Variants in EPB41L5 observed in about 807,000 individuals in gnomAD.
EPB41L5 encodes erythrocyte membrane protein band 4.1 like 5.
A neutral mutation model predicts 106.6 loss-of-function variants in EPB41L5; 55 were observed. The ratio of observed to expected loss-of-function variants is 0.52; its 90% CI spans 0.42 to 0.65. The LOEUF (loss-of-function observed/expected upper bound fraction) is 0.65. EPB41L5 is among the 30% of genes least tolerant of loss of function. EPB41L5 has a pLI of 0.00. For missense variants in EPB41L5, 871 were observed against 882.1 expected (o/e 0.99, Z 0.16); for synonymous variants, 297 against 306.7 (o/e 0.97, Z 0.33).
intron 14 of EPB41L5, among the ~76,000 whole-genome samples, chr2:120,095,373 A>C (rs1683677552): frequency 6.6e-6 from 1 of 151,852 alleles, no homozygotes; most frequent in African/African-American, 2.4e-5. Context: ...GGAAGTTTTT[A>C]CCCATTATTT....
chr2:120,040,244 A>T (rs1235338076), intron 2 of EPB41L5, among the ~76,000 whole-genome samples: 2 of 152,208 alleles, frequency 1.3e-5, no homozygotes, highest in East Asian at 3.8e-4. Context: ...AGGTCCATAT[A>T]GAATACAATA....
intron 20 of EPB41L5, among the ~76,000 whole-genome samples, chr2:120,160,350 T>C (rs1278343146): frequency 1.3e-5 from 2 of 152,246 alleles, no homozygotes; most frequent in African/African-American, 2.4e-5. Flanking sequence ...TTTTAAAATA[T>C]TGATGCACTA....
chr2:120,082,940 C>T (rs947329455), intron 10 of EPB41L5, among the ~76,000 whole-genome samples: 1 of 152,062 alleles, frequency 6.6e-6, no homozygotes, highest in Non-Finnish European at 1.5e-5. Context: ...TCTGTGGGAT[C>T]GGTGGTAATA....
intron 16 of EPB41L5, chr2:120,104,223 G>A (rs913159467): frequency 1.3e-6 from 2 of 1,535,678 alleles, no homozygotes; most frequent in East Asian, 2.4e-5. Flanking sequence ...TGGCCATACA[G>A]CCATGACTGA....
chr2:120,031,448 A>T (rs1678703596), intron 2 of EPB41L5, among the ~76,000 whole-genome samples: 2 of 152,330 alleles, frequency 1.3e-5, no homozygotes, highest in African/African-American at 2.4e-5. Context: ...TTAGGTGGGG[A>T]TAAAGAACAT....
chr2:120,033,169 C>G (rs1233200650), intron 2 of EPB41L5, among the ~76,000 whole-genome samples: 1 of 152,128 alleles, frequency 6.6e-6, no homozygotes, highest in African/African-American at 2.4e-5. Flanking sequence ...CATGACCATG[C>G]TTTCCATCTT....
intron 1 of EPB41L5, among the ~76,000 whole-genome samples, chr2:120,014,143 A>T (rs758172368): frequency 1.3e-5 from 2 of 152,244 alleles, no homozygotes; most frequent in Non-Finnish European, 2.9e-5. Context: ...GCTGTATGTT[A>T]TATTGCTTTA....
intron 14 of EPB41L5, among the ~76,000 whole-genome samples, chr2:120,098,863 T>C (rs1263906397): frequency 6.6e-6 from 1 of 152,262 alleles, no homozygotes; most frequent in Non-Finnish European, 1.5e-5. Flanking sequence ...GAAAGGCTTC[T>C]GGATCCTCTA....
chr2:120,053,894 C>T (rs912974450), intron 3 of EPB41L5, among the ~76,000 whole-genome samples: 1 of 152,086 alleles, frequency 6.6e-6, no homozygotes, highest in Non-Finnish European at 1.5e-5. Context: ...AAACACTTGT[C>T]TCTACAATAT....
intron 16 of EPB41L5, among the ~76,000 whole-genome samples, chr2:120,117,725 C>T (rs534578134): frequency 9.2e-5 from 14 of 152,248 alleles, no homozygotes; most frequent in African/African-American, 3.4e-4. Context: ...GAAACCAACA[C>T]CATAATCAAG....
chr2:120,172,897 C>T (rs1355890583), intron 24 of EPB41L5, among the ~76,000 whole-genome samples: 3 of 152,072 alleles, frequency 2.0e-5, no homozygotes, highest in Non-Finnish European at 4.4e-5. Context: ...AATTATATTA[C>T]ATGTCTGAAT....
chr2:120,114,719 G>A (rs1447845435), intron 16 of EPB41L5, among the ~76,000 whole-genome samples: 1 of 152,122 alleles, frequency 6.6e-6, no homozygotes, highest in Admixed American at 6.5e-5. Context: ...GTGCAGTATG[G>A]TTGGTTTTGG....
chr2:120,096,827 G>C (rs1360740339), intron 14 of EPB41L5, among the ~76,000 whole-genome samples: 1 of 152,092 alleles, frequency 6.6e-6, no homozygotes, highest in Non-Finnish European at 1.5e-5. Context: ...AGTAATGTTT[G>C]AGATTTTTCT....
At chr2:120,122,257 A>G (rs867848788) in intron 16 of EPB41L5, among the ~76,000 whole-genome samples, 4 of 152,136 alleles carry the variant, frequency 2.6e-5, no homozygotes, top group African/African-American at 9.7e-5. Flanking sequence ...GCCCATGCCT[A>G]TATTCTGAAT....
rs1681996825 is a variant in EPB41L5 at position 120,073,191 on chromosome 2, G to T, written c.299G>T (p.Gly100Val). The T allele has an allele frequency of 6.2e-7, 1 of 1,608,328 alleles. No homozygotes were observed. The highest frequency in any genetic ancestry group is 8.5e-7 in the Non-Finnish European group (1 of 1,178,724). ...TTTGTTTTTCAGCATTGGTTGGATG[G>T]TACAAAAAGCATCAAAAAGCAAGTA... ...DSAQVAHWLD[G>V]TKSIKKQVKI... Residue 100 changes from glycine (G) to valine (V), a missense_variant, in exon 4 of 25, where the codon GGT becomes GTT. By Grantham distance (109) the Gly-to-Val change is moderately radical. Coordinates refer to ENST00000263713, the MANE Select transcript of EPB41L5 (RefSeq NM_020909.4).
chr2:120,060,831 A>G (rs967161748), intron 3 of EPB41L5, among the ~76,000 whole-genome samples: 2 of 152,136 alleles, frequency 1.3e-5, no homozygotes, highest in African/African-American at 4.8e-5. Flanking sequence ...TGTACACAGG[A>G]CCGGGCCTCT....
intron 10 of EPB41L5, among the ~76,000 whole-genome samples, chr2:120,085,135 T>G (rs1235529617): frequency 6.6e-6 from 1 of 152,182 alleles, no homozygotes; most frequent in African/African-American, 2.4e-5. Flanking sequence ...TCAAAGTGAT[T>G]CTCCGTCCAG....
intron 14 of EPB41L5, among the ~76,000 whole-genome samples, 163 bp downstream of exon 14, chr2:120,093,439 A>G (rs531345165): frequency 2.0e-5 from 3 of 152,370 alleles, no homozygotes; most frequent in African/African-American, 4.8e-5. Context: ...TAAAAGTGAC[A>G]TGATGAAAAA....
At chr2:120,043,744 T>C (rs1407951532) in intron 3 of EPB41L5, among the ~76,000 whole-genome samples, 2 of 152,092 alleles carry the variant, frequency 1.3e-5, no homozygotes, top group Non-Finnish European at 2.9e-5. Context: ...TGAGACCCTA[T>C]TTCTAAAACA....
Sources: gnomAD v4.1 joint callset for allele counts (sites outside exome capture counted in the v4.1 genomes callset) on GRCh38, gnomAD v4.1.1 for gene constraint, MANE v1.5 for transcripts, NCBI Gene and HGNC (gene_info 2026-07-23, HGNC 2026-07-21) for gene names.